ZNF407: variants seen among roughly 807,000 people sequenced by gnomAD.
The protein encoded by ZNF407 is zinc finger protein 407.
A neutral mutation model predicts 131.2 loss-of-function variants in ZNF407; 17 were observed. The ratio of observed to expected loss-of-function variants is 0.13; its 90% confidence interval spans 0.09 to 0.19. The LOEUF is 0.19. Ranked by LOEUF, ZNF407 falls within the 10% of genes least tolerant of loss-of-function variation. The pLI is 1.00. For missense variants in ZNF407, 2,681 were observed against 2,830.6 expected, an observed-to-expected ratio of 0.95 and a Z score of 1.20; for synonymous variants, 1,156 against 1,062.0, an observed-to-expected ratio of 1.09 and a Z score of -1.72.
At chr18:74,750,225 C>T (rs1346632374) in intron 3 of ZNF407, among the ~76,000 whole-genome samples, 1 of 152,202 alleles carries the variant, frequency 6.6e-6, no homozygotes, top group Non-Finnish European at 1.5e-5. Context: ...ATCTTACCTA[C>T]ATTATCATCT....
At chr18:75,054,600 A>C (rs893544608) in intron 8 of ZNF407, among the ~76,000 whole-genome samples, 1 of 152,228 alleles carries the variant, frequency 6.6e-6, no homozygotes, top group Non-Finnish European at 1.5e-5. Context: ...TTACCTTTTA[A>C]GGTATGTATA....
chr18:75,026,653 T>G (rs1020119379), intron 8 of ZNF407, among the ~76,000 whole-genome samples: 2 of 152,220 alleles, frequency 1.3e-5, no homozygotes, highest in African/African-American at 4.8e-5. Flanking sequence ...GGAAACGCAG[T>G]TCAAGAGGTA....
chr18:74,785,924 A>G (rs1044269758), intron 4 of ZNF407, among the ~76,000 whole-genome samples: 2 of 151,928 alleles, frequency 1.3e-5, no homozygotes, highest in South Asian at 2.1e-4. Flanking sequence ...CACATGGCAC[A>G]CACGATGTCA....
chr18:75,026,302 CTT>C (rs1973170407), intron 8 of ZNF407, among the ~76,000 whole-genome samples: 2 of 152,172 alleles, frequency 1.3e-5, no homozygotes, highest in Non-Finnish European at 2.9e-5. Context: ...CTATTGAAAA[CTT>C]AGCATCAACT....
intron 8 of ZNF407, among the ~76,000 whole-genome samples, chr18:75,033,602 A>G (rs1232411870): frequency 1.3e-5 from 2 of 152,238 alleles, no homozygotes; most frequent in African/African-American, 4.8e-5. Flanking sequence ...AAAGCAGGGA[A>G]GAATCCTGCG....
chr18:75,003,367 A>G (rs992555470), intron 8 of ZNF407, among the ~76,000 whole-genome samples: 1 of 152,198 alleles, frequency 6.6e-6, no homozygotes, highest in Non-Finnish European at 1.5e-5. Flanking sequence ...GGCTATTTTT[A>G]TATTATTAAT....
At position 74,635,268 on chromosome 18, in the gene ZNF407, G is replaced by A; in HGVS notation, c.4249G>A (p.Asp1417Asn). The change falls in exon 2 of 9, where the codon GAT becomes AAT. Residue 1417 changes from aspartate (D) to asparagine (N), a missense_variant. Asp to Asn is a conservative substitution (Grantham distance 23, BLOSUM62 1). Coordinates refer to ENST00000299687, the MANE Select transcript of ZNF407 (RefSeq NM_017757.3). The surrounding 1 kb of genome is among the most constrained non-coding windows in gnomAD (Gnocchi z 4.7). The part of the protein sequence containing the change: ...SIGESTRIRC[D>N]DCGFLADGLS... ...TGGTGAGTCTACACGAATTCGCTGT[G>A]ATGATTGTGGCTTCTTAGCAGATGG... The A allele has an allele frequency of 6.2e-7, 1 of 1,614,044 alleles. No individual in the cohort carries two copies. The highest frequency in any genetic ancestry group is 1.7e-5 in the Admixed American group (1 of 60,032).
chr18:74,929,223 T>C (rs933152985), intron 8 of ZNF407, among the ~76,000 whole-genome samples: 19 of 152,210 alleles, frequency 1.2e-4, no homozygotes, highest in African/African-American at 3.9e-4. Flanking sequence ...TGTGATGGCC[T>C]GTATGATTCG....
rs188856361 is a variant in ZNF407 at position 75,034,538 on chromosome 18, G to A, written c.5429-28612G>A. 5.2e-3 allele frequency among the ~76,000 whole-genome samples: 792 copies of A among 151,202 alleles called. 9 individuals are homozygous for A. Among genetic ancestry groups the A allele is most frequent in the African/African-American group, 0.018 (737 of 41,230 alleles). ...AGGATGGTCTCGATCTCCTGACCTC[G>A]TGATCCGCCCGTCTCGGCCTCCCAA... On this transcript the variant is annotated intron_variant, in intron 8 of 8. Coordinates refer to ENST00000299687, the MANE Select transcript of ZNF407 (RefSeq NM_017757.3).
At chr18:74,998,082 C>T (rs549938588) in intron 8 of ZNF407, among the ~76,000 whole-genome samples, 4 of 152,224 alleles carry the variant, frequency 2.6e-5, no homozygotes, top group East Asian at 1.9e-4. Flanking sequence ...CCAGTGGGAC[C>T]GCTGCACCCA....
intron 7 of ZNF407, among the ~76,000 whole-genome samples, chr18:74,910,808 C>CT (rs1971659560): frequency 6.6e-6 from 1 of 152,132 alleles, no homozygotes; most frequent in Non-Finnish European, 1.5e-5. Context: ...TGTTTAGTCT[C>CT]TTTTTCCCCC....
At chr18:75,055,090 C>T (rs1973546993) in intron 8 of ZNF407, among the ~76,000 whole-genome samples, 1 of 152,160 alleles carries the variant, frequency 6.6e-6, no homozygotes, top group Admixed American at 6.5e-5. Flanking sequence ...AGAGACGCAC[C>T]CTATGTTGAT....
chr18:74,678,849 G>T (rs1430707098), intron 3 of ZNF407, among the ~76,000 whole-genome samples: 1 of 152,046 alleles, frequency 6.6e-6, no homozygotes, highest in East Asian at 1.9e-4. Flanking sequence ...GAGAAGTTGG[G>T]TGAATACAAA....
chr18:75,011,914 ATTTT>A (rs936604261), intron 8 of ZNF407, among the ~76,000 whole-genome samples: 1 of 152,256 alleles, frequency 6.6e-6, no homozygotes, highest in East Asian at 1.9e-4. Flanking sequence ...GTTTAGGAAG[ATTTT>A]TTTAATAGCC....
At chr18:74,708,788 G>A (rs1242194028) in intron 3 of ZNF407, among the ~76,000 whole-genome samples, 1 of 152,222 alleles carries the variant, frequency 6.6e-6, no homozygotes, top group Non-Finnish European at 1.5e-5. Flanking sequence ...GGATTTACAT[G>A]TGTGCTAATT....
At chr18:74,895,893 C>G (rs1971447611) in intron 7 of ZNF407, among the ~76,000 whole-genome samples, 1 of 152,186 alleles carries the variant, frequency 6.6e-6, no homozygotes, top group South Asian at 2.1e-4. Flanking sequence ...CAGAGACTTT[C>G]AGTTTTCCTT....
intron 8 of ZNF407, among the ~76,000 whole-genome samples, chr18:75,027,365 T>C (rs1438795271): frequency 6.6e-6 from 1 of 152,154 alleles, no homozygotes; most frequent in East Asian, 1.9e-4. Flanking sequence ...TTTTCTCCTT[T>C]ATGGAGGATG....
chr18:74,750,664 G>A (rs117088068), intron 3 of ZNF407, among the ~76,000 whole-genome samples: 3 of 152,190 alleles, frequency 2.0e-5, no homozygotes, highest in East Asian at 1.9e-4. Context: ...TATGACTAAC[G>A]GTGCTGTGAA....
chr18:74,843,890 G>C (rs1190022658), intron 4 of ZNF407, among the ~76,000 whole-genome samples: 1 of 152,034 alleles, frequency 6.6e-6, no homozygotes, highest in Non-Finnish European at 1.5e-5. Context: ...TTATATAGTT[G>C]TCTTAGTAAA....
Sources: gnomAD v4.1 joint callset for allele counts (sites outside exome capture counted in the v4.1 genomes callset) on GRCh38, gnomAD v4.1.1 for gene constraint, Gnocchi (gnomAD v3.1) non-coding constraint, MANE v1.5 for transcripts, NCBI Gene and HGNC (gene_info 2026-07-23, HGNC 2026-07-21) for gene names.